The following NEDD9 variants were observed in gnomAD, a reference collection of about 807,000 sequenced individuals.
NEDD9 encodes neural precursor cell expressed, developmentally down-regulated 9.
Under a neutral mutation model 76.6 loss-of-function variants are expected in NEDD9, and 26 were observed. The observed-to-expected ratio is 0.34, with a 90% CI of 0.25 to 0.47. NEDD9 has a LOEUF of 0.47. Among genes scored for constraint, NEDD9 ranks in the 20% least tolerant of loss-of-function variants. The pLI is 1.00. For synonymous variants in NEDD9, 392 were observed against 414.2 expected, an observed-to-expected ratio of 0.95 and a Z score of 0.65; for missense variants, 937 against 1,058.5, an observed-to-expected ratio of 0.89 and a Z score of 1.59.
intron 5 of NEDD9, 145 bp from the exon 6 acceptor site, chr6:11,188,452 A>T: frequency 1.4e-6 from 1 of 723,938 alleles, no homozygotes; most frequent in South Asian, 1.7e-5. Flanking sequence ...TGTGAACCCT[A>T]GACGACAGGG....
intron 1 of NEDD9, among the ~76,000 whole-genome samples, chr6:11,231,297 A>G (rs1362571737): frequency 6.6e-6 from 1 of 152,272 alleles, no homozygotes; most frequent in African/African-American, 2.4e-5. Flanking sequence ...AGACAGTGGT[A>G]ACGTAGGCAT....
chr6:11,303,219 A>G lies in NEDD9; in HGVS notation c.12+2773T>C, dbSNP rs1315798913. ...AAATCACAAGCATTCCTATACACCA[A>G]TAATAGACAAACAGAGAGCCAAATC... On this transcript the variant is annotated intron_variant, in intron 3 of 3. Transcript: ENST00000397378. Among the ~76,000 whole-genome samples the G allele has an allele frequency of 2.0e-5, 3 of 152,224 alleles. No homozygotes were observed. The East Asian group carries it at 5.8e-4, about 29-fold the overall frequency.
chr6:11,229,472 C>T (rs1759404501), intron 1 of NEDD9, among the ~76,000 whole-genome samples: 1 of 152,002 alleles, frequency 6.6e-6, no homozygotes, highest in South Asian at 2.1e-4. Context: ...CGCAGAGACC[C>T]TTCCATCACC....
intron 3 of NEDD9, among the ~76,000 whole-genome samples, chr6:11,273,427 A>G (rs1183689000): frequency 6.6e-6 from 1 of 152,282 alleles, no homozygotes; most frequent in African/African-American, 2.4e-5. Context: ...TATAAAAACA[A>G]GCATTCAAAA....
chr6:11,190,671 T>C lies in NEDD9; in HGVS notation c.1198A>G (p.Lys400Glu). Residue 400 changes from lysine (K) to glutamate (E), a missense_variant, in exon 5 of 7, where the codon AAA (lysine) becomes GAA (glutamate). Physicochemically the swap from Lys to Glu is moderately conservative, Grantham distance 56. Coordinates refer to ENST00000379446, the MANE Select transcript of NEDD9 (RefSeq NM_006403.4). This position sits in a 1 kb window ranked among gnomAD's most constrained non-coding sequence, Gnocchi z 5.8. ...SSLSASPAQD[K>E]RLFLDPDTAI... ...GTGTCTGGATCCAGGAAGAGCCTTT[T>C]GTCCTGAGCTGGGGAGGCTGACAGT... 6.2e-7 allele frequency: 1 copy of C among 1,614,166 alleles called. No homozygotes were observed. Among genetic ancestry groups the C allele is most frequent in the East Asian group, 2.2e-5 (1 of 44,888 alleles).
chr6:11,339,250 AC>A (rs1325079572), intron 1 of NEDD9, among the ~76,000 whole-genome samples: 1 of 152,226 alleles, frequency 6.6e-6, no homozygotes, highest in African/African-American at 2.4e-5. Flanking sequence ...CTATTAAAAT[AC>A]CAAACATGCC....
chr6:11,308,924 A>T (rs1032742947), intron 2 of NEDD9, among the ~76,000 whole-genome samples: 9 of 152,232 alleles, frequency 5.9e-5, no homozygotes, highest in African/African-American at 1.9e-4. Context: ...TCCATATGAT[A>T]TATATTGCAG....
At chr6:11,363,542 G>A (rs981012466) in intron 1 of NEDD9, among the ~76,000 whole-genome samples, 4 of 152,120 alleles carry the variant, frequency 2.6e-5, no homozygotes, top group African/African-American at 4.8e-5. Flanking sequence ...CACTCTGAGT[G>A]GTTTAACCTG....
chr6:11,320,039 G>T (rs1034973434), intron 2 of NEDD9, among the ~76,000 whole-genome samples: 5 of 152,214 alleles, frequency 3.3e-5, no homozygotes, highest in African/African-American at 4.8e-5. Context: ...ATCCTTGGCT[G>T]TCCTGTGGTC....
At chr6:11,353,792 T>C (rs1425617088) in intron 1 of NEDD9, among the ~76,000 whole-genome samples, 2 of 152,120 alleles carry the variant, frequency 1.3e-5, no homozygotes, top group African/African-American at 2.4e-5. Flanking sequence ...TTGAAATAGA[T>C]TGGATGGAAT....
In NEDD9 at chr6:11,201,187, G is replaced by C. The variant is rs1581951856; in HGVS notation, c.460-7495C>G. ...TTAATGCAGAGCTGGCTAGGTGCCT[G>C]GGATGGGGCAGAGCAGCGGCAGCAG... is the stretch of plus-strand genomic sequence containing the variant. On this transcript the variant is annotated intron_variant, in intron 2 of 6. Transcript: ENST00000379446. 5.4e-6 allele frequency: 5 copies of C among 933,882 alleles called. No homozygotes were observed. In the South Asian group the frequency reaches 7.3e-5, roughly 14 times the overall value. The allele number at this position is 933,882 out of a possible 1,614,324, so 57.8% of individuals were successfully genotyped here.
chr6:11,187,660 G>A (rs796231924), intron 6 of NEDD9, among the ~76,000 whole-genome samples: 4 of 152,340 alleles, frequency 2.6e-5, no homozygotes, highest in African/African-American at 7.2e-5. Context: ...AGAGGAAGCC[G>A]AGATGAAAAG....
intron 3 of NEDD9, among the ~76,000 whole-genome samples, chr6:11,193,204 C>T (rs1758204374): frequency 6.6e-6 from 1 of 150,806 alleles, no homozygotes; most frequent in African/African-American, 2.4e-5. Context: ...ACTTGGGAAG[C>T]TGAGGCAGGG....
chr6:11,367,880 AG>A (rs1762796528), intron 1 of NEDD9, among the ~76,000 whole-genome samples: 1 of 152,200 alleles, frequency 6.6e-6, no homozygotes. Context: ...CTTGCAAATA[AG>A]TCCGGCAGAG....
intron 2 of NEDD9, among the ~76,000 whole-genome samples, chr6:11,205,315 G>A (rs1241040908): frequency 6.6e-6 from 1 of 152,196 alleles, no homozygotes; most frequent in Non-Finnish European, 1.5e-5. Context: ...AAGGCTCAAG[G>A]CGCCTTGGGG....
chr6:11,313,788 A>G (rs954714572), intron 2 of NEDD9, among the ~76,000 whole-genome samples: 1 of 152,228 alleles, frequency 6.6e-6, no homozygotes, highest in Middle Eastern at 3.2e-3. Context: ...GAAAGGTGCC[A>G]ATTTTAATTC....
At chr6:11,231,474 G>A (rs1759466849) in intron 1 of NEDD9, among the ~76,000 whole-genome samples, 4 of 152,228 alleles carry the variant, frequency 2.6e-5, no homozygotes, top group Admixed American at 2.0e-4. Context: ...AAAAAGCGAA[G>A]TAGCTTCCAG....
intron 1 of NEDD9, among the ~76,000 whole-genome samples, chr6:11,362,468 G>T (rs186246398): frequency 2.6e-5 from 4 of 152,238 alleles, no homozygotes; most frequent in African/African-American, 9.6e-5. Flanking sequence ...TGTAGACTCA[G>T]CTAGTAGCAA....
At chr6:11,372,506 G>A (rs1426256730) in intron 1 of NEDD9, among the ~76,000 whole-genome samples, 1 of 152,032 alleles carries the variant, frequency 6.6e-6, no homozygotes, top group African/African-American at 2.4e-5. Flanking sequence ...CTTTCTTTTG[G>A]GTATATGTGA....
Sources: allele counts gnomAD v4.1 joint callset (sites outside exome capture counted in the v4.1 genomes callset), GRCh38; gene constraint gnomAD v4.1.1; non-coding constraint Gnocchi (gnomAD v3.1); transcripts MANE v1.5; gene names NCBI Gene and HGNC (gene_info 2026-07-23, HGNC 2026-07-21).